AMZ1: variants seen among roughly 807,000 people sequenced by gnomAD.
The protein encoded by AMZ1 is archaemetzincin-1.
Under a neutral mutation model 29.9 loss-of-function variants are expected in AMZ1, and 39 were observed. The ratio of observed to expected loss-of-function variants is 1.30; its 90% CI spans 1.01 to 1.70. The LOEUF is 1.70. Ranked by LOEUF, AMZ1 falls within the 40% of genes most tolerant of loss-of-function variation. The pLI is 0.00. For synonymous variants in AMZ1, 458 were observed against 304.0 expected, an observed-to-expected ratio of 1.51 and a Z score of -5.27; for missense variants, 1,041 against 680.6, an observed-to-expected ratio of 1.53 and a Z score of -5.89.
intron 6 of AMZ1, among the ~76,000 whole-genome samples, chr7:2,710,213 C>A (rs1332914463): frequency 6.6e-6 from 1 of 152,092 alleles, no homozygotes; most frequent in African/African-American, 2.4e-5. Context: ...AGGCCCCTTG[C>A]GAGGAGGTGG....
At position 2,731,598 on chromosome 7, in the gene AMZ1, G is replaced by A. The variant is rs750586131; in HGVS notation, n.550+21782G>A. Reference sequence around the variant, plus strand: ...CCATGAACAGGATGGACGTGATCCCGTCGAAGCACTGGAACCACTTCTGGC... The same window carrying A: ...CCATGAACAGGATGGACGTGATCCCATCGAAGCACTGGAACCACTTCTGGC... On this transcript the variant is annotated intron_variant and non_coding_transcript_variant, in intron 4 of 4. Coordinates refer to the AMZ1 transcript ENST00000489665. The surrounding 1 kb of genome is among the most constrained non-coding windows in gnomAD (Gnocchi z 6.0). The A allele has an allele frequency of 3.2e-5, 51 of 1,613,758 alleles. No homozygotes were observed. The highest frequency in any genetic ancestry group is 6.7e-5 in the African/African-American group (5 of 74,918).
At chr7:2,730,889 T>C (rs1174959282) in intron 4 of AMZ1, 7 of 368,190 alleles carry the variant, frequency 1.9e-5, no homozygotes, top group Non-Finnish European at 3.5e-5. Context: ...AGAGGAACGT[T>C]TCTGTAAAAG....
At chr7:2,708,773 C>T (rs968266887) in intron 4 of AMZ1, 57 bp downstream of exon 4, 117 of 1,607,442 alleles carry the variant, frequency 7.3e-5, no homozygotes, top group Admixed American at 3.3e-4. Context: ...GGGCTGTGGC[C>T]TCCGTGGCTG....
At chr7:2,760,910 G>C (rs1277322270), upstream of AMZ1, among the ~76,000 whole-genome samples, 1 of 151,812 alleles carries the variant, frequency 6.6e-6, no homozygotes, top group Non-Finnish European at 1.5e-5. Flanking sequence ...GGTGGGGAGT[G>C]GGGGGTTCTG....
Position 2,716,000 on chromosome 7 carries a change from C to T in AMZ1, c.*3122C>T, listed in dbSNP as rs1353108241. On this transcript the variant is annotated 3_prime_UTR_variant, in exon 7 of 7. Transcript: ENST00000683327. Reference sequence around the variant, plus strand: ...AGCCCCTGCATTCACAAGGATGGGTCTTCCAGCTTGACGATGACCTCTCTT... The same window carrying T: ...AGCCCCTGCATTCACAAGGATGGGTTTTCCAGCTTGACGATGACCTCTCTT... The T allele has an allele frequency of 1.3e-5, 2 of 152,222 alleles. No homozygotes were observed. Among genetic ancestry groups the T allele is most frequent in the Non-Finnish European group, 2.9e-5 (2 of 68,042 alleles). The allele number at this position is 152,222 out of a possible 1,614,324, so 9.4% of individuals were successfully genotyped here. A position where few individuals can be genotyped will look rare whatever the true frequency, so the allele number is the denominator to read the frequency against.
intron 1 of AMZ1, among the ~76,000 whole-genome samples, chr7:2,679,842 C>T (rs551973677): frequency 1.1e-4 from 16 of 152,164 alleles, no homozygotes; most frequent in Non-Finnish European, 4.4e-5. Flanking sequence ...GTCTGGAGCC[C>T]GGGAGAGGTG....
intron 1 of AMZ1, among the ~76,000 whole-genome samples, chr7:2,692,087 T>G (rs889916964): frequency 1.3e-5 from 2 of 152,196 alleles, no homozygotes; most frequent in African/African-American, 4.8e-5. Flanking sequence ...ATGTCACCGG[T>G]ACCCAGAAAC....
chr7:2,711,615 C>T (rs999798975), intron 6 of AMZ1, among the ~76,000 whole-genome samples: 1 of 152,226 alleles, frequency 6.6e-6, no homozygotes, highest in Non-Finnish European at 1.5e-5. Context: ...CCCTGGTGGT[C>T]TCACTATGTT....
In AMZ1 at chr7:2,717,500, T is replaced by C. The variant is rs1789199996; in HGVS notation, c.*4622T>C. On this transcript the variant is annotated 3_prime_UTR_variant, in exon 7 of 7. Transcript: ENST00000683327. Reference sequence around the variant, plus strand: ...GGAGCTCACCCCGCACGCAGGCTGCTCCAGAGCTGAAATCTAGCTGTGATC... The same window carrying C: ...GGAGCTCACCCCGCACGCAGGCTGCCCCAGAGCTGAAATCTAGCTGTGATC... Among the ~76,000 whole-genome samples the C allele has an allele frequency of 6.6e-6, 1 of 152,200 alleles. No homozygotes were observed. The highest frequency in any genetic ancestry group is 1.5e-5 in the Non-Finnish European group (1 of 68,042).
intron 1 of AMZ1, among the ~76,000 whole-genome samples, chr7:2,692,511 C>A (rs1441678094): frequency 1.3e-5 from 2 of 152,138 alleles, no homozygotes; most frequent in Non-Finnish European, 1.5e-5. Flanking sequence ...CACTGCACTC[C>A]AGCCTGGGTG....
intron 1 of AMZ1, among the ~76,000 whole-genome samples, chr7:2,695,683 C>T (rs1011921342): frequency 6.6e-6 from 1 of 151,744 alleles, no homozygotes; most frequent in Non-Finnish European, 1.5e-5. Context: ...AGCACTCCAG[C>T]CTGGGCAAAA....
intron 4 of AMZ1, among the ~76,000 whole-genome samples, chr7:2,750,001 C>T (rs1266302518): frequency 6.6e-6 from 1 of 152,172 alleles, no homozygotes; most frequent in African/African-American, 2.4e-5. Flanking sequence ...AAGCAGAAAA[C>T]TTTCCAAATT....
chr7:2,725,049 C>T (rs1789564294), intron 4 of AMZ1, among the ~76,000 whole-genome samples: 1 of 152,244 alleles, frequency 6.6e-6, no homozygotes, highest in Admixed American at 6.5e-5. Context: ...GCAGCATCCA[C>T]CAGGACGGGG....
At chr7:2,688,621 A>C (rs897455689) in intron 1 of AMZ1, among the ~76,000 whole-genome samples, 4 of 152,174 alleles carry the variant, frequency 2.6e-5, no homozygotes, top group Non-Finnish European at 5.9e-5. Flanking sequence ...CGATGGGAGC[A>C]AACTGGGGAC....
intron 6 of AMZ1, among the ~76,000 whole-genome samples, chr7:2,710,177 G>A (rs1272145174): frequency 6.6e-6 from 1 of 150,394 alleles, no homozygotes; most frequent in Non-Finnish European, 1.5e-5. Flanking sequence ...ACCCACACTT[G>A]GGTCACTGCT....
rs561059375 is a variant in AMZ1 at position 2,706,829 on chromosome 7, A to G, written c.473-1759A>G. ...TGATCCACAACAATCATCACTGTCA[A>G]TCATCATCACCTCATTAGCATCATT... On this transcript the variant is annotated intron_variant, in intron 3 of 6. Coordinates refer to ENST00000683327, the MANE Select transcript of AMZ1 (RefSeq NM_001384743.1). Among the ~76,000 whole-genome samples the G allele has an allele frequency of 1.2e-4, 19 of 152,060 alleles. No individual in the cohort carries two copies. The South Asian group carries it at 2.7e-3, about 22-fold the overall frequency.
At chr7:2,720,962 A>G (rs991926997), downstream of AMZ1, among the ~76,000 whole-genome samples, 1 of 152,200 alleles carries the variant, frequency 6.6e-6, no homozygotes, top group African/African-American at 2.4e-5. Context: ...TACAGGTGTG[A>G]GTCACCACGC....
intron 4 of AMZ1, among the ~76,000 whole-genome samples, chr7:2,745,162 C>G (rs1340735687): frequency 2.6e-5 from 4 of 152,182 alleles, no homozygotes; most frequent in Non-Finnish European, 5.9e-5. Flanking sequence ...TCAGGAAATA[C>G]AGAGAACACC....
chr7:2,694,675 TA>T lies in AMZ1; in HGVS notation c.-218-5558del, dbSNP rs1787599310. Among the ~76,000 whole-genome samples the T allele has an allele frequency of 1.6e-4, 15 of 91,390 alleles. No individual in the cohort carries two copies. The South Asian group carries it at 5.0e-3, about 30-fold the overall frequency. 60.0% of individuals were successfully genotyped at this position (91,390 alleles called of 152,430 possible). On this transcript the variant is annotated intron_variant, in intron 1 of 6. Coordinates refer to ENST00000683327, the MANE Select transcript of AMZ1 (RefSeq NM_001384743.1). ...AATCTCATATATATAATATATATTT[TA>T]TTTATTTTTTTTTTGAGATGGAGTC...
Sources: gnomAD v4.1 joint callset for allele counts (sites outside exome capture counted in the v4.1 genomes callset) on GRCh38, gnomAD v4.1.1 for gene constraint, Gnocchi (gnomAD v3.1) non-coding constraint, MANE v1.5 for transcripts, NCBI Gene and HGNC (gene_info 2026-07-23, HGNC 2026-07-21) for gene names.